NBAS: variants seen among roughly 807,000 people sequenced by gnomAD.
NBAS encodes the protein NAG/BC035112 fusion.
NBAS carries 219 observed loss-of-function variants against 302.5 expected under a neutral mutation model. The observed-to-expected ratio is 0.72, with a 90% confidence interval of 0.65 to 0.81. The LOEUF is 0.81. Ranked by LOEUF, NBAS falls within the 30% of genes least tolerant of loss-of-function variation. The pLI is 0.00. For missense variants in NBAS, 2,932 were observed against 2,841.6 expected, an observed-to-expected ratio of 1.03 and a Z score of -0.72; for synonymous variants, 1,118 against 1,021.6, an observed-to-expected ratio of 1.09 and a Z score of -1.80.
chr2:15,209,828 C>A (rs1269469978), intron 48 of NBAS, among the ~76,000 whole-genome samples: 1 of 152,110 alleles, frequency 6.6e-6, no homozygotes, highest in Non-Finnish European at 1.5e-5. Context: ...CAAGCATCTA[C>A]AGTAAACCCA....
At chr2:15,186,542 T>C (rs1165204527) in intron 50 of NBAS, among the ~76,000 whole-genome samples, 200 bp downstream of exon 50, 1 of 152,180 alleles carries the variant, frequency 6.6e-6, no homozygotes. Flanking sequence ...CAGGAAACGC[T>C]GGCCCCCACA....
intron 12 of NBAS, among the ~76,000 whole-genome samples, chr2:15,487,368 A>G (rs75122649): frequency 0.014 from 2,078 of 152,294 alleles, 36 homozygotes; most frequent in East Asian, 0.058. Context: ...ATCCCTCGGT[A>G]TATGCAGGGT....
At chr2:15,206,739 C>T (rs933444890) in intron 48 of NBAS, among the ~76,000 whole-genome samples, 2 of 152,214 alleles carry the variant, frequency 1.3e-5, no homozygotes, top group African/African-American at 4.8e-5. Context: ...AGAGTGCAAG[C>T]CAAGCCCCAA....
At chr2:14,931,329 A>C in the NBAS span, among the ~76,000 whole-genome samples, 1 of 152,198 alleles carries the variant, frequency 6.6e-6, no homozygotes, top group Non-Finnish European at 1.5e-5. Context: ...GGAAACTGCA[A>C]GGACATGGTA....
At chr2:15,212,836 T>G (rs1443048299) in intron 48 of NBAS, among the ~76,000 whole-genome samples, 1 of 149,930 alleles carries the variant, frequency 6.7e-6, no homozygotes, top group African/African-American at 2.5e-5. Context: ...ATAAGTTTCC[T>G]GAGGCCTCCC....
chr2:15,476,906 G>A (rs1042413631), intron 13 of NBAS, among the ~76,000 whole-genome samples: 3 of 152,154 alleles, frequency 2.0e-5, no homozygotes, highest in Non-Finnish European at 2.9e-5. Context: ...ACTAAGAAGA[G>A]AGAGATTTTA....
intron 21 of NBAS, among the ~76,000 whole-genome samples, chr2:15,439,820 A>G (rs140786725): frequency 0.013 from 1,936 of 152,314 alleles, 33 homozygotes; most frequent in East Asian, 0.06. Context: ...GCGCTTTTCC[A>G]ACAGGCTTAA....
At chr2:15,298,706 C>T (rs951393968) in intron 40 of NBAS, among the ~76,000 whole-genome samples, 4 of 152,190 alleles carry the variant, frequency 2.6e-5, no homozygotes, top group Admixed American at 1.3e-4. Flanking sequence ...TCCAAAGCAT[C>T]TCCTACTCAT....
At chr2:14,967,005 C>T in the NBAS span, among the ~76,000 whole-genome samples, 1 of 152,004 alleles carries the variant, frequency 6.6e-6, no homozygotes, top group African/African-American at 2.4e-5. Flanking sequence ...TAATAAAAAT[C>T]ATGTATACTG....
At chr2:14,975,630 C>A in the NBAS span, among the ~76,000 whole-genome samples, 1 of 152,148 alleles carries the variant, frequency 6.6e-6, no homozygotes, top group African/African-American at 2.4e-5. Flanking sequence ...TCACAAAAAA[C>A]ACTGTCAATG....
chr2:15,426,079 TTACAACAGCAACAG>T (rs1327618640), intron 22 of NBAS, among the ~76,000 whole-genome samples: 1 of 152,224 alleles, frequency 6.6e-6, no homozygotes, highest in Admixed American at 6.5e-5. Context: ...ACCATAGACA[TTACAACAGCAACAG>T]TACATTTTAT....
intron 40 of NBAS, among the ~76,000 whole-genome samples, chr2:15,299,047 C>T (rs1167183910): frequency 6.6e-6 from 1 of 152,114 alleles, no homozygotes; most frequent in Non-Finnish European, 1.5e-5. Flanking sequence ...AGACTTCCCT[C>T]CCTCTTTCCA....
chr2:15,472,581 C>A (rs998769448), intron 16 of NBAS, among the ~76,000 whole-genome samples: 11 of 152,040 alleles, frequency 7.2e-5, no homozygotes, highest in Admixed American at 7.2e-4. Context: ...GCTCACTGGC[C>A]CCCCCCAGAA....
the NBAS span, among the ~76,000 whole-genome samples, chr2:14,880,349 T>C: frequency 6.6e-6 from 1 of 151,106 alleles, no homozygotes; most frequent in South Asian, 2.1e-4. Context: ...CTAAAAATTT[T>C]CAGCTTTAAA....
the NBAS span, among the ~76,000 whole-genome samples, chr2:14,965,585 A>G: frequency 1.3e-5 from 2 of 152,234 alleles, no homozygotes; most frequent in Non-Finnish European, 2.9e-5. Context: ...TGGAGAATTC[A>G]TTCAAACATT....
chr2:15,213,821 T>A (rs943778094), intron 48 of NBAS, among the ~76,000 whole-genome samples: 1 of 152,154 alleles, frequency 6.6e-6, no homozygotes, highest in Non-Finnish European at 1.5e-5. Flanking sequence ...ACTCTCAACA[T>A]CTCCAAATAT....
chr2:15,098,298 A>C, the NBAS span, among the ~76,000 whole-genome samples: 135 of 640 alleles, frequency 0.21, 56 homozygotes, highest in African/African-American at 0.38. Flanking sequence ...TATTATATAC[A>C]ATATATAATA....
intron 38 of NBAS, among the ~76,000 whole-genome samples, chr2:15,325,159 T>C (rs1672005256): frequency 6.6e-6 from 1 of 152,208 alleles, no homozygotes; most frequent in Admixed American, 6.5e-5. Context: ...ATGAGAGGTA[T>C]TCAAATTCAC....
At chr2:14,779,054 G>A in the NBAS span, among the ~76,000 whole-genome samples, 1 of 152,168 alleles carries the variant, frequency 6.6e-6, no homozygotes, top group Non-Finnish European at 1.5e-5. Context: ...AAGACGCTTT[G>A]ATCTTTGATT....
Sources: allele counts gnomAD v4.1 joint callset (sites outside exome capture counted in the v4.1 genomes callset), GRCh38; gene constraint gnomAD v4.1.1; transcripts MANE v1.5; gene names NCBI Gene and HGNC (gene_info 2026-07-23, HGNC 2026-07-21).